The following EBF1 variants were observed in gnomAD, a reference collection of about 807,000 sequenced individuals.
EBF1 encodes EBF transcription factor 1, also known as transcription factor COE1.
In EBF1, 10 loss-of-function variants were observed where a neutral mutation model predicts 68.4. That is an observed-to-expected ratio of 0.15 (90% CI 0.09 to 0.25). EBF1 has a LOEUF of 0.25. Ranked by LOEUF, EBF1 falls within the 10% of genes least tolerant of loss-of-function variation. The pLI is 1.00. For synonymous variants in EBF1, 298 were observed against 299.8 expected (o/e 0.99, Z 0.06); for missense variants, 509 against 794.4 (o/e 0.64, Z 4.32).
At chr5:159,088,875 C>CTAAG (rs1781159991) in intron 4 of EBF1, among the ~76,000 whole-genome samples, 3 of 151,938 alleles carry the variant, frequency 2.0e-5, no homozygotes, top group Admixed American at 6.6e-5. Flanking sequence ...GGTTTGTAAC[C>CTAAG]TAAGAATCAA....
At chr5:158,946,474 G>T (rs1367124636) in intron 6 of EBF1, among the ~76,000 whole-genome samples, 1 of 152,132 alleles carries the variant, frequency 6.6e-6, no homozygotes, top group Non-Finnish European at 1.5e-5. Flanking sequence ...TTTGCTGGGG[G>T]TCCACTCCAG....
intron 7 of EBF1, among the ~76,000 whole-genome samples, chr5:158,838,683 T>C (rs1258431437): frequency 1.3e-5 from 2 of 152,324 alleles, no homozygotes; most frequent in East Asian, 1.9e-4. Context: ...AGATCATCTT[T>C]CCTTTTTCCC....
intron 6 of EBF1, among the ~76,000 whole-genome samples, chr5:158,876,729 C>T (rs370071975): frequency 7.7e-4 from 117 of 152,276 alleles, no homozygotes; most frequent in African/African-American, 2.5e-3. Context: ...TCAAGGCAAC[C>T]GAGTGAAACG....
At chr5:159,051,211 T>A (rs1353896975) in intron 6 of EBF1, among the ~76,000 whole-genome samples, 3 of 152,240 alleles carry the variant, frequency 2.0e-5, no homozygotes. Flanking sequence ...TCCTTTTTTT[T>A]TTATTTTAAT....
intron 7 of EBF1, among the ~76,000 whole-genome samples, chr5:158,838,701 A>T (rs1414855215): frequency 6.6e-6 from 1 of 152,162 alleles, no homozygotes. Context: ...CCCATCAGAG[A>T]ATGAAGGTGC....
chr5:159,046,625 T>C (rs922785733), intron 6 of EBF1, among the ~76,000 whole-genome samples: 4 of 152,346 alleles, frequency 2.6e-5, no homozygotes, highest in South Asian at 2.1e-4. Context: ...CAGGTGCTTA[T>C]TGAGTTGTAC....
chr5:159,009,698 G>T (rs1764252989), intron 6 of EBF1, among the ~76,000 whole-genome samples: 1 of 151,194 alleles, frequency 6.6e-6, no homozygotes, highest in Non-Finnish European at 1.5e-5. Flanking sequence ...AGAGTCCCTT[G>T]AGCCAAGGAA....
At chr5:158,799,533 A>G (rs1780206535) in intron 8 of EBF1, among the ~76,000 whole-genome samples, 1 of 152,188 alleles carries the variant, frequency 6.6e-6, no homozygotes, top group South Asian at 2.1e-4. Flanking sequence ...CAATAATGCA[A>G]TGTAGAAAAC....
intron 6 of EBF1, among the ~76,000 whole-genome samples, chr5:158,909,634 A>T (rs1367737698): frequency 6.6e-6 from 1 of 152,132 alleles, no homozygotes; most frequent in East Asian, 1.9e-4. Flanking sequence ...TTACAGTTAC[A>T]GATCAGGTCA....
intron 6 of EBF1, among the ~76,000 whole-genome samples, chr5:159,059,540 A>T (rs1775412670): frequency 6.6e-6 from 1 of 152,242 alleles, no homozygotes; most frequent in African/African-American, 2.4e-5. Context: ...ATAAGAAATT[A>T]TTCCAGTATG....
intron 10 of EBF1, among the ~76,000 whole-genome samples, chr5:158,745,466 C>A (rs1350475901): frequency 7.9e-5 from 12 of 152,140 alleles, no homozygotes; most frequent in Admixed American, 7.9e-4. Flanking sequence ...TTGAACCCAC[C>A]CACCTAAGCC....
intron 6 of EBF1, among the ~76,000 whole-genome samples, chr5:158,930,814 C>T (rs1282479798): frequency 6.6e-6 from 1 of 152,092 alleles, no homozygotes; most frequent in African/African-American, 2.4e-5. Context: ...CAAGTATAAG[C>T]CCTGTTCCAA....
At chr5:158,863,652 A>G (rs747175504) in intron 6 of EBF1, among the ~76,000 whole-genome samples, 5 of 152,234 alleles carry the variant, frequency 3.3e-5, no homozygotes, top group Non-Finnish European at 5.9e-5. Flanking sequence ...AAAAAAAAAT[A>G]TGCTGGAATG....
intron 6 of EBF1, among the ~76,000 whole-genome samples, chr5:158,866,658 C>A (rs1401221700): frequency 6.6e-6 from 1 of 151,632 alleles, no homozygotes; most frequent in Non-Finnish European, 1.5e-5. Context: ...CACTCAGTGC[C>A]TATAAATTAA....
chr5:158,914,502 G>A lies in EBF1; in HGVS notation c.555-74392C>T, dbSNP rs559755108. Among the ~76,000 whole-genome samples, 74 of 152,216 alleles carry A rather than the reference G, an allele frequency of 4.9e-4. 1 individual carries two copies. Among genetic ancestry groups the A allele is most frequent in the African/African-American group, 1.6e-3 (67 of 41,520 alleles). ...CATGTCACAGGGAAGGACTCCAGCC[G>A]GCAACCTTAATGCCTACTTCAGCAT... is the stretch of plus-strand genomic sequence containing the variant. On this transcript the variant is annotated intron_variant, in intron 6 of 15. Transcript: ENST00000313708.
At chr5:159,035,028 A>G (rs1769743641) in intron 6 of EBF1, among the ~76,000 whole-genome samples, 1 of 152,210 alleles carries the variant, frequency 6.6e-6, no homozygotes, top group Admixed American at 6.5e-5. Flanking sequence ...CTAGAAAATC[A>G]AAAAATAAAC....
chr5:158,882,851 C>T (rs1562208863), intron 6 of EBF1, among the ~76,000 whole-genome samples: 1 of 152,206 alleles, frequency 6.6e-6, no homozygotes, highest in Non-Finnish European at 1.5e-5. Context: ...CAAGACGGTG[C>T]AGAGCCCCGC....
intron 6 of EBF1, among the ~76,000 whole-genome samples, chr5:158,867,420 G>T (rs1401980880): frequency 1.3e-5 from 2 of 152,138 alleles, no homozygotes; most frequent in African/African-American, 4.8e-5. Flanking sequence ...TCTAACTCAA[G>T]GTTCAAGATG....
At position 158,731,104 on chromosome 5, in the gene EBF1, G is replaced by T; in HGVS notation, c.1090C>A (p.Pro364Thr). 6.2e-7 allele frequency: 1 copy of T among 1,614,092 alleles called. No individual in the cohort carries two copies. Among genetic ancestry groups the T allele is most frequent in the South Asian group, 1.1e-5 (1 of 91,054 alleles). The change falls in exon 11 of 16, where the codon CCT becomes ACT. Residue 364 changes from proline (P) to threonine (T), a missense_variant. Physicochemically the swap from Pro to Thr is conservative, Grantham distance 38. Around this residue, in one of 3 missense-constraint regions of EBF1, gnomAD observed 230 missense variants for 467.7 expected, o/e 0.49. Coordinates refer to ENST00000313708, the MANE Select transcript of EBF1 (RefSeq NM_024007.5). The part of the protein sequence containing the change: ...YGFQRLQKVI[P>T]RHPGDPERLP... ...CGCTCAGGGTCACCAGGGTGCCGAG[G>T]AATGACCTTCTGTAACCTCTGGAAA...
Sources: gnomAD v4.1 joint callset for allele counts (sites outside exome capture counted in the v4.1 genomes callset) on GRCh38, gnomAD v4.1.1 for gene constraint, gnomAD v4.1.1 regional missense constraint, MANE v1.5 for transcripts, NCBI Gene and HGNC (gene_info 2026-07-23, HGNC 2026-07-21) for gene names.